The following DNAJC1 variants were observed in gnomAD, a reference collection of about 807,000 sequenced individuals.
DNAJC1 encodes dnaJ homolog subfamily C member 1.
In DNAJC1, 58 loss-of-function variants were observed where a neutral mutation model predicts 76.6. The ratio of observed to expected loss-of-function variants is 0.76; its 90% CI spans 0.61 to 0.94. The LOEUF (loss-of-function observed/expected upper bound fraction) is 0.94. DNAJC1 is among the 40% of genes least tolerant of loss of function. The pLI, the probability that DNAJC1 is intolerant of heterozygous loss-of-function variation, is 0.00. For synonymous variants in DNAJC1, 258 were observed against 267.9 expected, an observed-to-expected ratio of 0.96 and a Z score of 0.36; for missense variants, 689 against 677.3, an observed-to-expected ratio of 1.02 and a Z score of -0.19.
At chr10:21,795,449 G>A (rs1834740111) in intron 9 of DNAJC1, among the ~76,000 whole-genome samples, 2 of 152,032 alleles carry the variant, frequency 1.3e-5, no homozygotes, top group Admixed American at 6.5e-5. Flanking sequence ...AAATAGATCA[G>A]TGTAGCCTGA....
At chr10:21,782,670 G>A (rs1166336985) in intron 9 of DNAJC1, among the ~76,000 whole-genome samples, 8 of 152,320 alleles carry the variant, frequency 5.3e-5, no homozygotes, top group African/African-American at 1.4e-4. Context: ...CTGGCAAACC[G>A]AATCCAGCAG....
intron 9 of DNAJC1, among the ~76,000 whole-genome samples, chr10:21,779,244 G>C (rs1834495349): frequency 6.6e-6 from 1 of 152,198 alleles, no homozygotes; most frequent in Non-Finnish European, 1.5e-5. Context: ...TTTGAAGAGA[G>C]TAGTGGTTCT....
chr10:21,936,680 T>G (rs1837318326), intron 1 of DNAJC1, among the ~76,000 whole-genome samples: 1 of 152,184 alleles, frequency 6.6e-6, no homozygotes, highest in Non-Finnish European at 1.5e-5. Flanking sequence ...AGCAAAATAT[T>G]TTTATGTGAC....
intron 1 of DNAJC1, among the ~76,000 whole-genome samples, chr10:21,945,162 T>G (rs1228299834): frequency 6.6e-6 from 1 of 152,188 alleles, no homozygotes; most frequent in Non-Finnish European, 1.5e-5. Context: ...AAATGAGCTT[T>G]GAAGAATGTC....
At chr10:21,908,269 T>TA (rs1564824028) in intron 6 of DNAJC1, among the ~76,000 whole-genome samples, 5 of 115,988 alleles carry the variant, frequency 4.3e-5, no homozygotes, top group East Asian at 2.3e-4. Flanking sequence ...ATATATATAT[T>TA]TTATATATAT....
intron 8 of DNAJC1, among the ~76,000 whole-genome samples, chr10:21,839,953 A>C (rs1216436480): frequency 6.6e-6 from 1 of 152,202 alleles, no homozygotes; most frequent in Non-Finnish European, 1.5e-5. Context: ...CAACATACGC[A>C]AATCAATAAA....
intron 8 of DNAJC1, among the ~76,000 whole-genome samples, chr10:21,814,631 G>A (rs1197177059): frequency 2.0e-5 from 3 of 152,112 alleles, no homozygotes; most frequent in Non-Finnish European, 4.4e-5. Context: ...AAATCCATTT[G>A]GAAATGACAG....
chr10:21,898,836 TAA>T (rs796846094), intron 7 of DNAJC1, among the ~76,000 whole-genome samples: 6 of 131,222 alleles, frequency 4.6e-5, no homozygotes, highest in Admixed American at 1.5e-4. Flanking sequence ...TTCTACTTAC[TAA>T]AAAAAAAAAA....
At chr10:21,945,704 T>C (rs1252526953) in intron 1 of DNAJC1, among the ~76,000 whole-genome samples, 1 of 152,078 alleles carries the variant, frequency 6.6e-6, no homozygotes, top group Non-Finnish European at 1.5e-5. Flanking sequence ...AGGAATTCTT[T>C]GAATTAACAG....
intron 11 of DNAJC1, among the ~76,000 whole-genome samples, chr10:21,758,380 G>C (rs1834201750): frequency 6.6e-6 from 1 of 152,178 alleles, no homozygotes; most frequent in Non-Finnish European, 1.5e-5. Context: ...TCACACCCTG[G>C]GGCTCTCTGC....
chr10:21,984,049 G>A (rs1233752653), intron 1 of DNAJC1, among the ~76,000 whole-genome samples: 1 of 152,006 alleles, frequency 6.6e-6, no homozygotes, highest in Non-Finnish European at 1.5e-5. Flanking sequence ...CAGTTACTGA[G>A]GCCAATAAAA....
At chr10:21,835,043 T>C (rs1361013123) in intron 8 of DNAJC1, among the ~76,000 whole-genome samples, 11 of 152,236 alleles carry the variant, frequency 7.2e-5, no homozygotes, top group Admixed American at 7.2e-4. Flanking sequence ...AGTGGGTCCC[T>C]GATCCCCGAG....
intron 1 of DNAJC1, among the ~76,000 whole-genome samples, chr10:21,950,551 C>G (rs1182414311): frequency 2.0e-5 from 3 of 152,014 alleles, no homozygotes; most frequent in African/African-American, 7.2e-5. Context: ...ATGGAAGAGT[C>G]ACATATCTCA....
chr10:21,920,969 G>C lies in DNAJC1; in HGVS notation c.372-6C>G. ...TGATCAGAATATCATCATACCTACA[G>C]TACAAATATAACAGTTTTTCACGGG... On this transcript the variant is annotated splice_region_variant and splice_polypyrimidine_tract_variant and intron_variant, in intron 3 of 11. Coordinates refer to ENST00000376980, the MANE Select transcript of DNAJC1 (RefSeq NM_022365.4). 1 of 1,556,642 alleles carries C rather than the reference G, an allele frequency of 6.4e-7. No individual in the cohort carries two copies. Among genetic ancestry groups the C allele is most frequent in the African/African-American group, 1.4e-5 (1 of 72,948 alleles).
intron 8 of DNAJC1, among the ~76,000 whole-genome samples, chr10:21,847,810 G>A (rs1564806859): frequency 6.6e-6 from 1 of 152,116 alleles, no homozygotes; most frequent in East Asian, 1.9e-4. Flanking sequence ...TTGAGTGTGT[G>A]TCCATATATA....
At chr10:21,851,353 A>C (rs1835749044) in intron 8 of DNAJC1, among the ~76,000 whole-genome samples, 1 of 152,208 alleles carries the variant, frequency 6.6e-6, no homozygotes, top group Non-Finnish European at 1.5e-5. Flanking sequence ...ATGGCCAAAA[A>C]ACATGTGAAA....
intron 8 of DNAJC1, among the ~76,000 whole-genome samples, chr10:21,816,451 T>G (rs1835078044): frequency 6.6e-6 from 1 of 151,776 alleles, no homozygotes. Context: ...CTCATGCCTG[T>G]GATCCCAGCA....
intron 1 of DNAJC1, among the ~76,000 whole-genome samples, chr10:21,989,509 A>G (rs1403373311): frequency 6.6e-6 from 1 of 152,180 alleles, no homozygotes; most frequent in African/African-American, 2.4e-5. Flanking sequence ...TGACTCCCAT[A>G]GAGTGATGAG....
chr10:21,994,863 GTATGA>G (rs1235142882), intron 1 of DNAJC1, among the ~76,000 whole-genome samples: 10 of 150,400 alleles, frequency 6.6e-5, no homozygotes, highest in Non-Finnish European at 1.3e-4. Flanking sequence ...AAGAAATATT[GTATGA>G]TATAATTAAA....
Sources: allele counts gnomAD v4.1 joint callset (sites outside exome capture counted in the v4.1 genomes callset), GRCh38; gene constraint gnomAD v4.1.1; transcripts MANE v1.5; gene names NCBI Gene and HGNC (gene_info 2026-07-23, HGNC 2026-07-21).